EFNA5: variants seen among roughly 807,000 people sequenced by gnomAD.
The protein encoded by EFNA5 is ephrin-A5.
EFNA5 carries 5 observed loss-of-function variants against 22.9 expected under a neutral mutation model. That is an observed-to-expected ratio of 0.22 (90% confidence interval 0.11 to 0.46). The LOEUF (loss-of-function observed/expected upper bound fraction) is 0.46. EFNA5 is among the 20% of genes least tolerant of loss of function. The pLI is 0.99. For missense variants in EFNA5, 237 were observed against 293.3 expected (o/e 0.81, Z 1.40); for synonymous variants, 113 against 112.2 (o/e 1.01, Z -0.04).
intron 1 of EFNA5, among the ~76,000 whole-genome samples, chr5:107,531,333 G>T (rs181864492): frequency 2.0e-4 from 31 of 152,260 alleles, no homozygotes; most frequent in Non-Finnish European, 7.4e-5. Flanking sequence ...GCCAGACCAC[G>T]TACTTACTGC....
At chr5:107,660,525 C>G (rs1481704886) in intron 1 of EFNA5, among the ~76,000 whole-genome samples, 1 of 151,350 alleles carries the variant, frequency 6.6e-6, no homozygotes, top group East Asian at 1.9e-4. Flanking sequence ...GCTTATTAAT[C>G]AGGGAAATAC....
chr5:107,507,447 G>A (rs1169980611), intron 1 of EFNA5, among the ~76,000 whole-genome samples: 1 of 152,060 alleles, frequency 6.6e-6, no homozygotes, highest in Non-Finnish European at 1.5e-5. Flanking sequence ...TAAAACAATA[G>A]AGCCAATGAA....
chr5:107,622,713 AC>A (rs1442646526), intron 1 of EFNA5, among the ~76,000 whole-genome samples: 1 of 152,094 alleles, frequency 6.6e-6, no homozygotes, highest in Non-Finnish European at 1.5e-5. Flanking sequence ...TCAGTAATAG[AC>A]GTGGAGTCTC....
chr5:107,453,563 T>C (rs1749615519), intron 1 of EFNA5, among the ~76,000 whole-genome samples: 1 of 152,156 alleles, frequency 6.6e-6, no homozygotes, highest in Non-Finnish European at 1.5e-5. Context: ...TAGAAACCTA[T>C]TTATAGGTAA....
intron 1 of EFNA5, among the ~76,000 whole-genome samples, chr5:107,566,055 G>A (rs1748660550): frequency 1.3e-5 from 2 of 152,122 alleles, no homozygotes; most frequent in Non-Finnish European, 2.9e-5. Context: ...GGGGCTCATT[G>A]ATATTCCCAG....
At chr5:107,496,164 T>TAAA (rs35565454) in intron 1 of EFNA5, among the ~76,000 whole-genome samples, 9 of 93,188 alleles carry the variant, frequency 9.7e-5, no homozygotes, top group African/African-American at 1.3e-4. Context: ...CTGTCTCTGC[T>TAAA]AAAAAAAAAA....
rs998622980 is a variant in EFNA5 at position 107,377,702 on chromosome 5, A to G, written c.*3553T>C. ...TGGTTTGCAACCATTTCCATGAGTG[A>G]GCTGCACATGATATTGATAAAGACT... On this transcript the variant is annotated 3_prime_UTR_variant, in exon 5 of 5. Transcript: ENST00000333274. The G allele has an allele frequency of 1.3e-5, 2 of 152,188 alleles. No homozygotes were observed. The highest frequency in any genetic ancestry group is 2.9e-5 in the Non-Finnish European group (2 of 68,056). 9.4% of individuals were successfully genotyped at this position (152,188 alleles called of 1,614,324 possible).
At chr5:107,408,478 T>C (rs770227506) in intron 2 of EFNA5, among the ~76,000 whole-genome samples, 2 of 152,214 alleles carry the variant, frequency 1.3e-5, no homozygotes, top group Non-Finnish European at 2.9e-5. Context: ...ATAATCACTC[T>C]GCAATTTATC....
intron 1 of EFNA5, among the ~76,000 whole-genome samples, chr5:107,562,485 G>C (rs957188100): frequency 6.6e-6 from 1 of 152,008 alleles, no homozygotes; most frequent in Non-Finnish European, 1.5e-5. Context: ...TGCACCCACA[G>C]CAACAGTATT....
chr5:107,642,201 G>A (rs957013811), intron 1 of EFNA5, among the ~76,000 whole-genome samples: 1 of 152,172 alleles, frequency 6.6e-6, no homozygotes, highest in African/African-American at 2.4e-5. Context: ...AGGGATTGGA[G>A]AGATTTTGGT....
chr5:107,591,946 TATATA>T (rs1454548636), intron 1 of EFNA5, among the ~76,000 whole-genome samples: 2 of 14,556 alleles, frequency 1.4e-4, no homozygotes, highest in East Asian at 3.4e-3. Context: ...ATATATATTA[TATATA>T]ATATATAATA....
At chr5:107,645,619 T>TCTTA (rs1750619449) in intron 1 of EFNA5, among the ~76,000 whole-genome samples, 1 of 152,202 alleles carries the variant, frequency 6.6e-6, no homozygotes, top group Non-Finnish European at 1.5e-5. Context: ...TTCAGAAAGA[T>TCTTA]TGGGCAGGGG....
At chr5:107,607,606 G>A (rs1749751045) in intron 1 of EFNA5, among the ~76,000 whole-genome samples, 1 of 152,246 alleles carries the variant, frequency 6.6e-6, no homozygotes, top group Non-Finnish European at 1.5e-5. Context: ...CATAGACTAT[G>A]TATGATATTT....
chr5:107,499,010 T>A (rs1224741924), intron 1 of EFNA5, among the ~76,000 whole-genome samples: 1 of 119,652 alleles, frequency 8.4e-6, no homozygotes, highest in Admixed American at 8.8e-5. Context: ...GCCAAAGGAG[T>A]CTTTGATTTC....
intron 4 of EFNA5, among the ~76,000 whole-genome samples, chr5:107,385,589 T>C (rs371504973): frequency 1.3e-5 from 2 of 152,296 alleles, no homozygotes; most frequent in South Asian, 4.1e-4. Context: ...AATGTTGGAA[T>C]AGGAGTCAGA....
intron 1 of EFNA5, among the ~76,000 whole-genome samples, chr5:107,524,165 G>A (rs141134317): frequency 2.6e-5 from 4 of 152,246 alleles, no homozygotes; most frequent in East Asian, 3.9e-4. Flanking sequence ...ACTGAGCCAC[G>A]CACATTCTAA....
chr5:107,471,191 G>A lies in EFNA5; in HGVS notation c.126-43682C>T, dbSNP rs537542836. ...TGGTCCTTCGCACTCCCCATATTTT[G>A]GTAGCATGGAACCTATCCAGCCTCA... On this transcript the variant is annotated intron_variant, in intron 1 of 4. Transcript: ENST00000333274. 3.9e-5 allele frequency among the ~76,000 whole-genome samples: 6 copies of A among 152,152 alleles called. No homozygotes were observed. The East Asian group carries it at 1.2e-3, about 29-fold the overall frequency.
chr5:107,670,873 G>A lies in EFNA5; in HGVS notation c.-260C>T, dbSNP rs1751186991. On this transcript the variant is annotated 5_prime_UTR_variant, in exon 1 of 5. Transcript: ENST00000333274. The stretch of plus-strand genomic sequence containing the variant: ...CCACTGGAGGGTTCAGGAGGAAAAA[G>A]GAATCACAAGATGGAGAGAAGCGTG... 2.0e-5 allele frequency: 9 copies of A among 461,106 alleles called. No homozygotes were observed. Among genetic ancestry groups the A allele is most frequent in the Middle Eastern group, 1.2e-3 (2 of 1,724 alleles). The allele number at this position is 461,106 out of a possible 1,614,324, so 28.6% of individuals were successfully genotyped here.
chr5:107,605,268 A>C (rs2112515698), intron 1 of EFNA5, among the ~76,000 whole-genome samples: 1 of 152,206 alleles, frequency 6.6e-6, no homozygotes. Flanking sequence ...CATATATATG[A>C]CCCAGCAGAG....
Sources: allele counts gnomAD v4.1 joint callset (sites outside exome capture counted in the v4.1 genomes callset), GRCh38; gene constraint gnomAD v4.1.1; transcripts MANE v1.5; gene names NCBI Gene and HGNC (gene_info 2026-07-23, HGNC 2026-07-21).